Variants in SGCZ observed in about 807,000 individuals in gnomAD.
SGCZ encodes zeta-sarcoglycan.
A neutral mutation model predicts 41.3 loss-of-function variants in SGCZ; 40 were observed. That is an observed-to-expected ratio of 0.97 (90% CI 0.75 to 1.26). The LOEUF (loss-of-function observed/expected upper bound fraction) is 1.26. SGCZ is among the 50% of genes most tolerant of loss of function. SGCZ has a pLI of 0.00. For missense variants in SGCZ, 552 were observed against 369.8 expected, an observed-to-expected ratio of 1.49 and a Z score of -4.04; for synonymous variants, 206 against 137.5, an observed-to-expected ratio of 1.50 and a Z score of -3.49.
intron 2 of SGCZ, among the ~76,000 whole-genome samples, chr8:14,400,122 A>T (rs531080389): frequency 6.6e-6 from 1 of 152,066 alleles, no homozygotes; most frequent in African/African-American, 2.4e-5. Flanking sequence ...ACAACAGGTG[A>T]TCTTTTGTGA....
intron 1 of SGCZ, among the ~76,000 whole-genome samples, chr8:14,816,366 T>C (rs1200113152): frequency 1.3e-5 from 2 of 152,194 alleles, no homozygotes; most frequent in Non-Finnish European, 2.9e-5. Flanking sequence ...TGACAATTAG[T>C]TAAGTGTGTT....
At chr8:14,517,907 A>G (rs954029999) in intron 2 of SGCZ, among the ~76,000 whole-genome samples, 3 of 151,630 alleles carry the variant, frequency 2.0e-5, no homozygotes, top group Non-Finnish European at 2.9e-5. Context: ...CCTATTTTTC[A>G]TAAGTGTTTG....
intron 1 of SGCZ, among the ~76,000 whole-genome samples, chr8:15,202,983 G>A (rs1800940610): frequency 6.6e-6 from 1 of 151,972 alleles, no homozygotes; most frequent in African/African-American, 2.4e-5. Flanking sequence ...TATGGTGGGT[G>A]CTTGTAATTC....
chr8:14,740,702 T>G lies in SGCZ; in HGVS notation c.40-185776A>C, dbSNP rs138846094. ...GGATTGCTGGAGTGCTTATGCCATA[T>G]TTCAGATCACAAAGGGGAATAAAAT... On this transcript the variant is annotated intron_variant, in intron 1 of 7. Transcript: ENST00000382080. Among the ~76,000 whole-genome samples the G allele has an allele frequency of 1.5e-3, 229 of 152,150 alleles. 2 individuals carry two copies. Among genetic ancestry groups the G allele is most frequent in the African/African-American group, 4.9e-3 (203 of 41,542 alleles).
intron 1 of SGCZ, among the ~76,000 whole-genome samples, chr8:14,670,347 A>G (rs1197945121): frequency 6.6e-6 from 1 of 152,152 alleles, no homozygotes; most frequent in African/African-American, 2.4e-5. Context: ...ACCTATCTGT[A>G]CTTCAATTTA....
At chr8:14,861,429 G>A (rs972462063) in intron 1 of SGCZ, among the ~76,000 whole-genome samples, 1 of 152,076 alleles carries the variant, frequency 6.6e-6, no homozygotes, top group Non-Finnish European at 1.5e-5. Flanking sequence ...AGAATGAAAT[G>A]CGTATATATG....
intron 7 of SGCZ, among the ~76,000 whole-genome samples, chr8:14,096,227 T>C (rs1801841670): frequency 1.3e-5 from 2 of 152,130 alleles, no homozygotes; most frequent in South Asian, 4.1e-4. Flanking sequence ...CCTTATGACA[T>C]TTGCTGTGGG....
chr8:14,688,138 G>A lies in SGCZ; in HGVS notation c.40-133212C>T, dbSNP rs1404924744. ...GGTTGCGAAAATTTTCTCCCATTTT[G>A]TAGGTTGCCTGTTCACTCTGATGGT... On this transcript the variant is annotated intron_variant, in intron 1 of 7. Coordinates refer to ENST00000382080, the MANE Select transcript of SGCZ (RefSeq NM_139167.4). Among the ~76,000 whole-genome samples, 2 of 152,086 alleles carry A rather than the reference G, an allele frequency of 1.3e-5. 1 individual carries two copies. Among genetic ancestry groups the A allele is most frequent in the Admixed American group, 1.3e-4 (2 of 15,262 alleles).
At chr8:14,845,997 CT>C (rs1285696524) in intron 1 of SGCZ, among the ~76,000 whole-genome samples, 2 of 152,070 alleles carry the variant, frequency 1.3e-5, no homozygotes. Flanking sequence ...TCATTATAAG[CT>C]TAAACATGTA....
chr8:14,642,799 G>A (rs918816995), intron 1 of SGCZ, among the ~76,000 whole-genome samples: 2 of 151,320 alleles, frequency 1.3e-5, no homozygotes, highest in Non-Finnish European at 3.0e-5. Flanking sequence ...ATACAAAATG[G>A]CACTGACTTT....
intron 1 of SGCZ, among the ~76,000 whole-genome samples, chr8:14,918,911 G>C (rs182354111): frequency 6.6e-6 from 1 of 152,090 alleles, no homozygotes; most frequent in African/African-American, 2.4e-5. Context: ...TCATCAATCG[G>C]TCTGAAGGCA....
chr8:14,529,745 A>G (rs1585052315), intron 2 of SGCZ, among the ~76,000 whole-genome samples: 4 of 152,230 alleles, frequency 2.6e-5, no homozygotes, highest in African/African-American at 2.4e-5. Flanking sequence ...CTGTATGTCT[A>G]TCTTCCTCCT....
intron 3 of SGCZ, among the ~76,000 whole-genome samples, chr8:14,248,921 A>G (rs558121560): frequency 3.3e-5 from 5 of 152,296 alleles, no homozygotes; most frequent in South Asian, 2.1e-4. Flanking sequence ...ATATGTTTCT[A>G]TAATTACAAA....
chr8:14,130,249 G>A (rs1052206731), intron 5 of SGCZ, among the ~76,000 whole-genome samples: 11 of 151,306 alleles, frequency 7.3e-5, no homozygotes, highest in Non-Finnish European at 2.9e-5. Flanking sequence ...ATTTAATTAC[G>A]GTGCAAAATA....
chr8:14,770,120 CAAT>C (rs1168244822), intron 1 of SGCZ, among the ~76,000 whole-genome samples: 6 of 146,160 alleles, frequency 4.1e-5, no homozygotes, highest in Middle Eastern at 3.6e-3. Context: ...TTTTATAATA[CAAT>C]AATAATTATA....
At chr8:14,624,565 T>A (rs1382751660) in intron 1 of SGCZ, among the ~76,000 whole-genome samples, 24,806 of 107,392 alleles carry the variant, frequency 0.23, 2,896 homozygotes, top group Admixed American at 0.3. Flanking sequence ...ATTTTTTTTT[T>A]TTTTTTTTTT....
At chr8:14,960,930 G>A (rs1454683415) in intron 1 of SGCZ, among the ~76,000 whole-genome samples, 1 of 97,806 alleles carries the variant, frequency 1.0e-5, no homozygotes, top group African/African-American at 4.2e-5. Flanking sequence ...GCAAGGAAAT[G>A]GCACACACAC....
chr8:14,244,216 T>G (rs1798999082), intron 3 of SGCZ, among the ~76,000 whole-genome samples: 1 of 150,450 alleles, frequency 6.6e-6, no homozygotes, highest in Admixed American at 6.7e-5. Context: ...CTCCTCTTCC[T>G]TCTTCCTCCT....
At chr8:14,992,589 T>C (rs556078330) in intron 1 of SGCZ, among the ~76,000 whole-genome samples, 26 of 151,002 alleles carry the variant, frequency 1.7e-4, no homozygotes, top group African/African-American at 6.1e-4. Context: ...CCTCATCCAA[T>C]ATACTCCCAA....
Sources: gnomAD v4.1 joint callset for allele counts (sites outside exome capture counted in the v4.1 genomes callset) on GRCh38, gnomAD v4.1.1 for gene constraint, MANE v1.5 for transcripts, NCBI Gene and HGNC (gene_info 2026-07-23, HGNC 2026-07-21) for gene names.